Variants in ACAP2 observed in about 807,000 individuals in gnomAD.
The protein encoded by ACAP2 is ArfGAP with coiled-coil, ankyrin repeat and PH domains 2.
Under a neutral mutation model 115.8 loss-of-function variants are expected in ACAP2, and 39 were observed. That is an observed-to-expected ratio of 0.34 (90% CI 0.26 to 0.44). The LOEUF (loss-of-function observed/expected upper bound fraction) is 0.44, where lower values mean the gene tolerates loss of function less well. Among genes scored for constraint, ACAP2 ranks in the 20% least tolerant of loss-of-function variants. The pLI is 1.00. For missense variants in ACAP2, 662 were observed against 927.6 expected (o/e 0.71, Z 3.72); for synonymous variants, 289 against 315.8 (o/e 0.92, Z 0.90).
At chr3:195,437,419 G>A (rs1033880623) in intron 1 of ACAP2, among the ~76,000 whole-genome samples, 10 of 152,150 alleles carry the variant, frequency 6.6e-5, no homozygotes, top group African/African-American at 2.4e-4. Context: ...CCATGTGAAA[G>A]TTCACCATTA....
chr3:195,369,990 T>G (rs1733010005), intron 4 of ACAP2, among the ~76,000 whole-genome samples: 1 of 152,236 alleles, frequency 6.6e-6, no homozygotes, highest in Non-Finnish European at 1.5e-5. Flanking sequence ...GGTTTTGAGT[T>G]GCATTTCTCT....
intron 1 of ACAP2, among the ~76,000 whole-genome samples, chr3:195,440,874 T>C (rs901214805): frequency 6.6e-6 from 1 of 152,202 alleles, no homozygotes; most frequent in African/African-American, 2.4e-5. Context: ...AATTTTGGCA[T>C]CTCTTCCCAA....
chr3:195,442,252 A>C, intron 1 of ACAP2: 1 of 153,188 alleles, frequency 6.5e-6, no homozygotes, highest in Non-Finnish European at 1.5e-5. Flanking sequence ...GGCCGGGGGC[A>C]CCGCGAAGCA....
chr3:195,303,103 C>T (rs891831240), intron 13 of ACAP2, among the ~76,000 whole-genome samples: 2 of 152,194 alleles, frequency 1.3e-5, no homozygotes, highest in Admixed American at 1.3e-4. Flanking sequence ...GTGATCCCAG[C>T]TACTCAGGAG....
chr3:195,326,029 T>G (rs1729773402), intron 9 of ACAP2, among the ~76,000 whole-genome samples: 1 of 152,222 alleles, frequency 6.6e-6, no homozygotes, highest in East Asian at 1.9e-4. Context: ...TTTTTCTTAC[T>G]TTTATTATGA....
chr3:195,364,775 G>C (rs545680465), intron 4 of ACAP2, among the ~76,000 whole-genome samples: 2 of 152,090 alleles, frequency 1.3e-5, no homozygotes, highest in African/African-American at 2.4e-5. Flanking sequence ...CCTACTCTCA[G>C]ACGTATATCC....
chr3:195,436,165 C>T (rs1469642017), intron 1 of ACAP2, among the ~76,000 whole-genome samples: 1 of 149,688 alleles, frequency 6.7e-6, no homozygotes, highest in African/African-American at 2.5e-5. Flanking sequence ...GTCCCACTGT[C>T]ACCCAGGCTG....
At chr3:195,305,505 C>G (rs1728362984) in intron 13 of ACAP2, among the ~76,000 whole-genome samples, 1 of 152,088 alleles carries the variant, frequency 6.6e-6, no homozygotes, top group African/African-American at 2.4e-5. Flanking sequence ...CAGGAAGCTA[C>G]TAGAGAAAGT....
chr3:195,367,783 G>A (rs1343572825), intron 4 of ACAP2, among the ~76,000 whole-genome samples: 1 of 152,180 alleles, frequency 6.6e-6, no homozygotes, highest in African/African-American at 2.4e-5. Flanking sequence ...CCTAGAAGAT[G>A]AGAGACTCCA....
chr3:195,386,116 A>C (rs1452405142), intron 2 of ACAP2, among the ~76,000 whole-genome samples: 1 of 152,204 alleles, frequency 6.6e-6, no homozygotes, highest in Non-Finnish European at 1.5e-5. Flanking sequence ...AAAACATGCT[A>C]AGAGAAAGGA....
intron 3 of ACAP2, 66 bp downstream of exon 3, chr3:195,381,837 G>A (rs1733958873): frequency 3.3e-6 from 5 of 1,525,804 alleles, no homozygotes; most frequent in South Asian, 1.2e-5. Context: ...GTAGATGAAT[G>A]CACAATTCTT....
intron 10 of ACAP2, 64 bp from the exon 11 acceptor site, chr3:195,308,901 T>A (rs1302506980): frequency 9.0e-6 from 13 of 1,441,578 alleles, no homozygotes; most frequent in Non-Finnish European, 1.2e-5. Context: ...TTGTTAGAAA[T>A]GAAATATTTG....
chr3:195,275,877 G>A lies in ACAP2; in HGVS notation c.*3451C>T, dbSNP rs975835742. The A allele has an allele frequency of 6.6e-5, 10 of 152,604 alleles. No homozygotes were observed. Among genetic ancestry groups the A allele is most frequent in the African/African-American group, 1.4e-4 (6 of 41,442 alleles). The allele number at this position is 152,604 out of a possible 1,614,324, so 9.5% of individuals were successfully genotyped here. On this transcript the variant is annotated 3_prime_UTR_variant, in exon 23 of 23. Transcript: ENST00000326793. ...TTGTTTCATTACACTCATTTTAATT[G>A]TGAGGAGCCCTGAATCCAAAAAGGG... is the stretch of plus-strand genomic sequence containing the variant.
intron 4 of ACAP2, among the ~76,000 whole-genome samples, chr3:195,358,901 A>T (rs1468146548): frequency 1.3e-5 from 2 of 152,202 alleles, no homozygotes; most frequent in Non-Finnish European, 2.9e-5. Context: ...CAAATTCCCA[A>T]AGATCAAGGA....
At chr3:195,373,814 A>G (rs144279926) in intron 4 of ACAP2, among the ~76,000 whole-genome samples, 118 of 152,048 alleles carry the variant, frequency 7.8e-4, no homozygotes, top group Middle Eastern at 6.8e-3. Context: ...AATCCCAGCT[A>G]CTCAGGAGGC....
intron 4 of ACAP2, among the ~76,000 whole-genome samples, chr3:195,367,374 A>AT (rs1732799894): frequency 6.6e-6 from 1 of 152,058 alleles, no homozygotes; most frequent in Admixed American, 6.6e-5. Context: ...ACCTGGGGAG[A>AT]TTTTTTCAAT....
intron 4 of ACAP2, among the ~76,000 whole-genome samples, chr3:195,373,414 G>A (rs969031135): frequency 1.3e-5 from 2 of 151,974 alleles, no homozygotes; most frequent in Non-Finnish European, 2.9e-5. Flanking sequence ...AATACTATGA[G>A]AATATCACTG....
intron 17 of ACAP2, chr3:195,295,201 C>G (rs759219910): frequency 7.8e-7 from 1 of 1,289,300 alleles, no homozygotes; most frequent in Admixed American, 2.3e-5. Context: ...CTTACTACTA[C>G]GCAGTTTTGA....
chr3:195,404,526 G>C (rs1712574491), intron 1 of ACAP2, among the ~76,000 whole-genome samples: 1 of 151,842 alleles, frequency 6.6e-6, no homozygotes, highest in African/African-American at 2.4e-5. Flanking sequence ...AGGAAGAAAG[G>C]TAAGTAACCA....
Sources: gnomAD v4.1 joint callset for allele counts (sites outside exome capture counted in the v4.1 genomes callset) on GRCh38, gnomAD v4.1.1 for gene constraint, MANE v1.5 for transcripts, NCBI Gene and HGNC (gene_info 2026-07-23, HGNC 2026-07-21) for gene names.